The following KCNIP4 variants were observed in gnomAD, a reference collection of about 807,000 sequenced individuals.
The protein encoded by KCNIP4 is Kv channel-interacting protein 4.
In KCNIP4, 12 loss-of-function variants were observed where a neutral mutation model predicts 34.0. That is an observed-to-expected ratio of 0.35 (90% CI 0.23 to 0.57). The LOEUF is 0.57. Among genes scored for constraint, KCNIP4 ranks in the 20% least tolerant of loss-of-function variants. The pLI is 0.83. For synonymous variants in KCNIP4, 124 were observed against 102.2 expected, an observed-to-expected ratio of 1.21 and a Z score of -1.29; for missense variants, 238 against 311.7, an observed-to-expected ratio of 0.76 and a Z score of 1.78.
chr4:20,961,175 T>C (rs1486505743), intron 1 of KCNIP4, among the ~76,000 whole-genome samples: 1 of 152,202 alleles, frequency 6.6e-6, no homozygotes, highest in Non-Finnish European at 1.5e-5. Context: ...ATTTTTTCTA[T>C]CTTTTCAAAA....
At chr4:21,701,323 A>T (rs1417497861) in intron 1 of KCNIP4, among the ~76,000 whole-genome samples, 1 of 152,200 alleles carries the variant, frequency 6.6e-6, no homozygotes. Flanking sequence ...CGGGAGGAAT[A>T]CATTTTATTG....
At chr4:21,501,831 C>A (rs1733379274) in intron 1 of KCNIP4, among the ~76,000 whole-genome samples, 2 of 151,910 alleles carry the variant, frequency 1.3e-5, no homozygotes, top group South Asian at 4.2e-4. Context: ...CTGCAGCAAC[C>A]TCCTTTTTTA....
intron 3 of KCNIP4, among the ~76,000 whole-genome samples, chr4:20,808,348 G>C (rs1484742628): frequency 2.0e-5 from 3 of 152,154 alleles, no homozygotes; most frequent in Non-Finnish European, 4.4e-5. Context: ...AAATGACAGA[G>C]GACACATCAG....
intron 1 of KCNIP4, among the ~76,000 whole-genome samples, chr4:21,272,396 A>C (rs1293615622): frequency 6.6e-6 from 1 of 152,178 alleles, no homozygotes; most frequent in Non-Finnish European, 1.5e-5. Flanking sequence ...TGTGAGTCAT[A>C]TATTTTCCCA....
rs114424479 is a variant in KCNIP4, at chr4:21,638,643, T to C, written c.61+309928A>G. Among the ~76,000 whole-genome samples the C allele has an allele frequency of 2.9e-3, 437 of 152,290 alleles. 3 individuals carry two copies. Among genetic ancestry groups the C allele is most frequent in the African/African-American group, 0.01 (419 of 41,560 alleles). ...GATTTCAATTTCTACACCCTGGTTTTTGGAAATTCTGTTCTGGCTAGTTGT... is the reference window on the plus strand; with the variant it reads ...GATTTCAATTTCTACACCCTGGTTTCTGGAAATTCTGTTCTGGCTAGTTGT... On this transcript the variant is annotated intron_variant, in intron 1 of 8. Coordinates refer to ENST00000382152, the MANE Select transcript of KCNIP4 (RefSeq NM_025221.6).
At chr4:21,153,664 G>A (rs1002368725) in intron 1 of KCNIP4, among the ~76,000 whole-genome samples, 5 of 151,690 alleles carry the variant, frequency 3.3e-5, no homozygotes, top group African/African-American at 1.2e-4. Flanking sequence ...TCTATATTTT[G>A]CTTATCTTGA....
At position 20,856,961 on chromosome 4, in the gene KCNIP4, T is replaced by C. The variant is rs946173757; in HGVS notation, c.164-6294A>G. Among the ~76,000 whole-genome samples, 3 of 151,106 alleles carry C rather than the reference T, an allele frequency of 2.0e-5. No individual in the cohort carries two copies. The Admixed American group carries it at 2.0e-4, about 10-fold the overall frequency. ...CAAATGGAGTTTCTTTCTCTGCAGA[T>C]GCAAAGTCTGAGACAAAAGACACAG... On this transcript the variant is annotated intron_variant, in intron 2 of 8. Transcript: ENST00000382152.
chr4:21,053,159 C>A (rs1743080265), intron 1 of KCNIP4, among the ~76,000 whole-genome samples: 1 of 151,948 alleles, frequency 6.6e-6, no homozygotes, highest in South Asian at 2.1e-4. Flanking sequence ...TCAGTGGGGT[C>A]AATGGAAATC....
intron 2 of KCNIP4, among the ~76,000 whole-genome samples, chr4:20,863,065 T>C (rs993787518): frequency 2.6e-5 from 4 of 152,082 alleles, no homozygotes; most frequent in African/African-American, 7.2e-5. Context: ...ACCCACTGCC[T>C]AGACAGAGCC....
rs561407674 is a variant in KCNIP4 at position 20,779,586 on chromosome 4, C to G, written c.289-20696G>C. 2.0e-3 allele frequency among the ~76,000 whole-genome samples: 275 copies of G among 135,148 alleles called. 3 individuals are homozygous for G. The highest frequency in any genetic ancestry group is 7.5e-3 in the African/African-American group (268 of 35,694). The allele number at this position is 135,148 out of a possible 152,430, so 88.7% of individuals were successfully genotyped here. ...CCCCCCTGCCCCACAACCCCCCCCC[C>G]CCACACAAAAAAGAAATGAAAACAA... On this transcript the variant is annotated intron_variant, in intron 3 of 8. Transcript: ENST00000382152.
intron 1 of KCNIP4, among the ~76,000 whole-genome samples, chr4:21,380,430 TGAGGGAGAGG>T (rs1197512029): frequency 1.8e-5 from 1 of 54,542 alleles, no homozygotes; most frequent in Non-Finnish European, 3.5e-5. Flanking sequence ...TGGGGGATGA[TGAGGGAGAGG>T]GAGGGAGAGG....
chr4:21,348,054 A>C (rs1717629441), intron 1 of KCNIP4, among the ~76,000 whole-genome samples: 1 of 152,216 alleles, frequency 6.6e-6, no homozygotes, highest in Non-Finnish European at 1.5e-5. Context: ...AAATGCTTTC[A>C]TCCACACATA....
rs1179586934 is a variant in KCNIP4 at position 21,344,643 on chromosome 4, T to C, written c.62-461934A>G. Reference sequence around the variant, plus strand: ...TGAACCAATCCCAGCTGACCTGGCATATTCCCAGGTACTTTCAAGTACGTT... The same window carrying C: ...TGAACCAATCCCAGCTGACCTGGCACATTCCCAGGTACTTTCAAGTACGTT... On this transcript the variant is annotated intron_variant, in intron 1 of 8. Coordinates refer to ENST00000382152, the MANE Select transcript of KCNIP4 (RefSeq NM_025221.6). 3.9e-5 allele frequency among the ~76,000 whole-genome samples: 6 copies of C among 152,294 alleles called. No homozygotes were observed. The East Asian group carries it at 9.6e-4, about 24-fold the overall frequency.
intron 1 of KCNIP4, among the ~76,000 whole-genome samples, chr4:21,494,729 C>T (rs1211617962): frequency 6.1e-5 from 9 of 148,278 alleles, no homozygotes; most frequent in East Asian, 6.0e-4. Context: ...GCCAAGATCG[C>T]GCCACTACAC....
At chr4:21,196,121 C>T (rs752007718) in intron 1 of KCNIP4, among the ~76,000 whole-genome samples, 21 of 152,106 alleles carry the variant, frequency 1.4e-4, no homozygotes, top group Admixed American at 7.9e-4. Flanking sequence ...TACAGTATTA[C>T]GAATCTTCAA....
At chr4:21,835,837 C>A (rs901138459) in intron 1 of KCNIP4, among the ~76,000 whole-genome samples, 1 of 152,066 alleles carries the variant, frequency 6.6e-6, no homozygotes, top group Non-Finnish European at 1.5e-5. Flanking sequence ...TGATTCAATA[C>A]AGTTTAACAC....
chr4:21,562,311 T>C (rs1358684673), intron 1 of KCNIP4, among the ~76,000 whole-genome samples: 1 of 151,962 alleles, frequency 6.6e-6, no homozygotes, highest in East Asian at 1.9e-4. Context: ...TCAGAATGAA[T>C]GCTTAGAGTT....
intron 3 of KCNIP4, among the ~76,000 whole-genome samples, chr4:20,815,750 A>G (rs1471864625): frequency 2.0e-5 from 3 of 152,202 alleles, no homozygotes; most frequent in Non-Finnish European, 2.9e-5. Context: ...AAAAATCACA[A>G]CTAACATTTA....
intron 1 of KCNIP4, among the ~76,000 whole-genome samples, chr4:21,772,787 T>C (rs912571168): frequency 1.3e-5 from 2 of 152,192 alleles, no homozygotes; most frequent in Non-Finnish European, 2.9e-5. Context: ...TCATTTTTTA[T>C]TGCATCTATT....
Sources: gnomAD v4.1 joint callset for allele counts (sites outside exome capture counted in the v4.1 genomes callset) on GRCh38, gnomAD v4.1.1 for gene constraint, MANE v1.5 for transcripts, NCBI Gene and HGNC (gene_info 2026-07-23, HGNC 2026-07-21) for gene names.